The following H4C15 variants were observed in gnomAD, a reference collection of about 807,000 sequenced individuals.
The protein encoded by H4C15 is H4 clustered histone 15, also known as histone H4.
downstream of H4C15, among the ~76,000 whole-genome samples, chr1:149,849,211 G>A (rs1392191729): frequency 1.3e-5 from 2 of 152,154 alleles, no homozygotes; most frequent in African/African-American, 2.4e-5. Context: ...TACCACCATT[G>A]CACTCCAGCA....
At chr1:149,850,790 G>GTGAT, downstream of H4C15, 2 of 134,616 alleles carry the variant, frequency 1.5e-5, no homozygotes, top group South Asian at 4.1e-5. Flanking sequence ...ACCCAAGACC[G>GTGAT]ACACCGACCC....
the H4C15 span, chr1:149,846,979 C>T: frequency 6.6e-6 from 1 of 152,164 alleles, no homozygotes; most frequent in African/African-American, 2.4e-5. Context: ...ATCAATTTTA[C>T]TCGGTAGAAA....
At chr1:149,850,389 G>C (rs1553757635), downstream of H4C15, 1 of 838,360 alleles carries the variant, frequency 1.2e-6, no homozygotes, top group Non-Finnish European at 2.0e-6. Context: ...GGTCCCGGCA[G>C]GGACTCACTT....
At chr1:149,850,385 G>A (rs587750350), downstream of H4C15, 13 of 776,390 alleles carry the variant, frequency 1.7e-5, no homozygotes, top group Admixed American at 1.0e-4. Flanking sequence ...GCCAGGTCCC[G>A]GCAGGGACTC....
the H4C15 span, chr1:149,848,858 C>T: frequency 6.6e-6 from 1 of 152,184 alleles, no homozygotes; most frequent in African/African-American, 2.4e-5. Flanking sequence ...TAGAAAAATA[C>T]TTAAAGGTGA....
At chr1:149,846,438 ATAAAT>A in the H4C15 span, 7 of 152,274 alleles carry the variant, frequency 4.6e-5, no homozygotes, top group African/African-American at 1.4e-4. Context: ...ATCAATTTAC[ATAAAT>A]TAATTTTACT....
the H4C15 span, chr1:149,847,520 T>TGGAGACAGCC: frequency 6.6e-6 from 1 of 152,392 alleles, no homozygotes; most frequent in East Asian, 1.9e-4. Flanking sequence ...TAAGAAGACA[T>TGGAGACAGCC]GGAGACAGCC....
downstream of H4C15, among the ~76,000 whole-genome samples, chr1:149,858,608 A>AGGAAGGAAG (rs1235663846): frequency 3.3e-5 from 2 of 61,498 alleles, no homozygotes; most frequent in East Asian, 7.2e-4. Context: ...AAAAAGAAAG[A>AGGAAGGAAG]GGAAGGAAGG....
the H4C15 span, chr1:149,846,042 G>C: frequency 6.6e-6 from 1 of 152,044 alleles, no homozygotes; most frequent in African/African-American, 2.4e-5. Context: ...AAGGGGGTTA[G>C]GTTTGTAAGA....
chr1:149,847,995 T>C, the H4C15 span: 1 of 152,280 alleles, frequency 6.6e-6, no homozygotes, highest in East Asian at 1.9e-4. Flanking sequence ...TCTAAAACCA[T>C]GAAAGAATAA....
chr1:149,848,678 A>C, the H4C15 span: 4 of 152,264 alleles, frequency 2.6e-5, no homozygotes, highest in South Asian at 2.1e-4. Flanking sequence ...CAATTAAACT[A>C]ATCAGGCCAA....
At chr1:149,846,457 AAAAT>A in the H4C15 span, 2 of 152,348 alleles carry the variant, frequency 1.3e-5, no homozygotes, top group Non-Finnish European at 2.9e-5. Flanking sequence ...TTTTACTGTA[AAAAT>A]AAAATACATT....
chr1:149,845,322 A>G, the H4C15 span: 75 of 152,362 alleles, frequency 4.9e-4, no homozygotes, highest in African/African-American at 1.8e-3. Flanking sequence ...GAATAGAAAA[A>G]GTCTACATTT....
the H4C15 span, chr1:149,844,489 T>G: frequency 2.0e-5 from 3 of 152,116 alleles, no homozygotes; most frequent in Non-Finnish European, 4.4e-5. Context: ...ATACAAAAGT[T>G]TCATTTAATC....
chr1:149,850,166 G>C, downstream of H4C15: 1 of 628,696 alleles, frequency 1.6e-6, no homozygotes, highest in African/African-American at 1.8e-5. Context: ...CTTACTTATA[G>C]CAATGCCTAT....
chr1:149,855,429 A>C (rs1422315303), downstream of H4C15, among the ~76,000 whole-genome samples: 2 of 90,468 alleles, frequency 2.2e-5, no homozygotes, highest in African/African-American at 8.1e-5. Context: ...GTGTGTTTAG[A>C]GGGAAACTAC....
At chr1:149,855,765 TGTGA>T (rs1214672039), downstream of H4C15, among the ~76,000 whole-genome samples, 8 of 26,442 alleles carry the variant, frequency 3.0e-4, no homozygotes, top group South Asian at 7.9e-4. Context: ...TGTGTGTGTG[TGTGA>T]GAGAGAGAGA....
At chr1:149,848,408 T>C in the H4C15 span, 2 of 152,254 alleles carry the variant, frequency 1.3e-5, no homozygotes, top group East Asian at 1.9e-4. Flanking sequence ...CTGAACTCCA[T>C]GAGTGGCTCA....
downstream of H4C15, among the ~76,000 whole-genome samples, chr1:149,855,482 TAGA>T (rs1271495754): frequency 1.2e-4 from 16 of 128,674 alleles, no homozygotes; most frequent in African/African-American, 4.6e-4. Flanking sequence ...TTTTCTTCCT[TAGA>T]AGAGGACTTG....
Sources: allele counts gnomAD v4.1 joint callset (sites outside exome capture counted in the v4.1 genomes callset), GRCh38; gene constraint gnomAD v4.1.1; transcripts MANE v1.5; gene names NCBI Gene and HGNC (gene_info 2026-07-23, HGNC 2026-07-21).